PDE1C: variants seen among roughly 807,000 people sequenced by gnomAD.
The protein encoded by PDE1C is phosphodiesterase 1C.
In PDE1C, 62 loss-of-function variants were observed where a neutral mutation model predicts 93.1. The ratio of observed to expected loss-of-function variants is 0.67; its 90% CI spans 0.54 to 0.82. The LOEUF (loss-of-function observed/expected upper bound fraction) is 0.82, where lower values mean the gene tolerates loss of function less well. Among genes scored for constraint, PDE1C ranks in the 40% least tolerant of loss-of-function variants. The pLI is 0.00. For synonymous variants in PDE1C, 325 were observed against 310.1 expected, an observed-to-expected ratio of 1.05 and a Z score of -0.50; for missense variants, 742 against 884.6, an observed-to-expected ratio of 0.84 and a Z score of 2.04.
chr7:31,715,462 C>T, the PDE1C span, among the ~76,000 whole-genome samples: 2 of 152,224 alleles, frequency 1.3e-5, no homozygotes, highest in African/African-American at 4.8e-5. Flanking sequence ...TGGTCTCAAA[C>T]TCTTGACCTC....
At chr7:32,206,140 A>C (rs980052000) in intron 2 of PDE1C, among the ~76,000 whole-genome samples, 10 of 151,878 alleles carry the variant, frequency 6.6e-5, no homozygotes, top group Admixed American at 5.2e-4. Context: ...CCCCGGCTTG[A>C]CCCCCAGAGC....
the PDE1C span, among the ~76,000 whole-genome samples, chr7:31,647,016 A>T: frequency 6.6e-6 from 1 of 152,272 alleles, no homozygotes; most frequent in African/African-American, 2.4e-5. Flanking sequence ...ACTCAAAGAA[A>T]ACAATTCAAA....
intron 9 of PDE1C, among the ~76,000 whole-genome samples, chr7:31,846,653 C>T (rs10951309): frequency 0.17 from 25,532 of 151,970 alleles, 2,245 homozygotes; most frequent in Middle Eastern, 0.24. Flanking sequence ...CTAAAGAGCT[C>T]CTGCACAGCA....
chr7:31,816,441 A>AT (rs1233485514), intron 14 of PDE1C, among the ~76,000 whole-genome samples: 1 of 152,182 alleles, frequency 6.6e-6, no homozygotes, highest in Non-Finnish European at 1.5e-5. Context: ...ACCGTTATTA[A>AT]TAGCTTCTAT....
intron 2 of PDE1C, among the ~76,000 whole-genome samples, chr7:32,003,569 A>G (rs1176338690): frequency 6.6e-6 from 1 of 152,242 alleles, no homozygotes; most frequent in Non-Finnish European, 1.5e-5. Context: ...TGGATAAAGT[A>G]CAAACTTAGG....
intron 3 of PDE1C, among the ~76,000 whole-genome samples, chr7:32,079,792 G>A (rs1462068948): frequency 6.6e-6 from 1 of 152,204 alleles, no homozygotes; most frequent in South Asian, 2.1e-4. Flanking sequence ...GCTAAGCCTA[G>A]GACCGGCACA....
chr7:32,054,152 T>C (rs1409608316), intron 1 of PDE1C, among the ~76,000 whole-genome samples: 1 of 152,068 alleles, frequency 6.6e-6, no homozygotes, highest in Non-Finnish European at 1.5e-5. Flanking sequence ...TCACCTCTTG[T>C]GGGAAGCCGC....
chr7:31,873,439 T>C (rs1479840481), intron 5 of PDE1C, 31 bp from the exon 6 acceptor site: 19 of 1,385,246 alleles, frequency 1.4e-5, no homozygotes. Context: ...AAAGAACACA[T>C]TAGCCCACAG....
chr7:32,239,161 G>A (rs1027804099), intron 1 of PDE1C, among the ~76,000 whole-genome samples: 2 of 152,156 alleles, frequency 1.3e-5, no homozygotes, highest in African/African-American at 2.4e-5. Flanking sequence ...CAGCTCAGGA[G>A]TTGAGTCTGC....
chr7:32,100,730 A>G (rs1156861133), intron 3 of PDE1C, among the ~76,000 whole-genome samples: 1 of 152,222 alleles, frequency 6.6e-6, no homozygotes, highest in Non-Finnish European at 1.5e-5. Context: ...GTGCATACAC[A>G]CAGATATGTA....
intron 1 of PDE1C, among the ~76,000 whole-genome samples, chr7:32,399,798 G>A (rs1383444417): frequency 6.6e-6 from 1 of 151,670 alleles, no homozygotes; most frequent in Non-Finnish European, 1.5e-5. Context: ...TGGTCAGGCT[G>A]GTCTTGAACT....
chr7:32,058,462 A>G (rs1794390190), intron 1 of PDE1C, among the ~76,000 whole-genome samples: 1 of 152,226 alleles, frequency 6.6e-6, no homozygotes, highest in South Asian at 2.1e-4. Context: ...TAACCATGAA[A>G]TGAGTGAGGA....
At chr7:32,193,577 T>C (rs1804383351) in intron 2 of PDE1C, among the ~76,000 whole-genome samples, 1 of 152,196 alleles carries the variant, frequency 6.6e-6, no homozygotes, top group South Asian at 2.1e-4. Flanking sequence ...GATTTTTGCA[T>C]CTATATTAAT....
chr7:31,962,355 T>C (rs1289429383), intron 2 of PDE1C, among the ~76,000 whole-genome samples: 1 of 152,246 alleles, frequency 6.6e-6, no homozygotes, highest in Admixed American at 6.5e-5. Flanking sequence ...CCTTTAGTGC[T>C]ACTTGCAACA....
chr7:32,403,521 T>C (rs746743536), intron 1 of PDE1C, among the ~76,000 whole-genome samples: 1 of 152,196 alleles, frequency 6.6e-6, no homozygotes, highest in South Asian at 2.1e-4. Context: ...GTCATCAATG[T>C]AAACTAGCAC....
intron 2 of PDE1C, among the ~76,000 whole-genome samples, chr7:32,047,054 C>A (rs202187828): frequency 2.5e-5 from 2 of 80,732 alleles, no homozygotes; most frequent in Admixed American, 1.2e-4. Context: ...TGTGTGTGTG[C>A]GAGACAGAGT....
chr7:31,805,882 T>C (rs1406461714), intron 16 of PDE1C, among the ~76,000 whole-genome samples: 1 of 151,908 alleles, frequency 6.6e-6, no homozygotes, highest in East Asian at 1.9e-4. Flanking sequence ...TTTCATTTAT[T>C]TCCTGGCTCC....
intron 3 of PDE1C, among the ~76,000 whole-genome samples, chr7:32,095,674 G>A (rs190409510): frequency 1.4e-4 from 21 of 152,292 alleles, no homozygotes; most frequent in Non-Finnish European, 2.5e-4. Flanking sequence ...TCTAGCATGT[G>A]CAATCTTCAT....
intron 5 of PDE1C, among the ~76,000 whole-genome samples, chr7:31,874,598 G>C (rs896721998): frequency 1.3e-5 from 2 of 152,108 alleles, no homozygotes; most frequent in Non-Finnish European, 2.9e-5. Context: ...GGCCATCAAG[G>C]GTCTCCCTCC....
Sources: gnomAD v4.1 joint callset for allele counts (sites outside exome capture counted in the v4.1 genomes callset) on GRCh38, gnomAD v4.1.1 for gene constraint, MANE v1.5 for transcripts, NCBI Gene and HGNC (gene_info 2026-07-23, HGNC 2026-07-21) for gene names.